Variants in DHRS9 observed in about 807,000 individuals in gnomAD.
The protein encoded by DHRS9 is dehydrogenase/reductase SDR family member 9.
Under a neutral mutation model 26.6 loss-of-function variants are expected in DHRS9, and 18 were observed. That is an observed-to-expected ratio of 0.68 (90% confidence interval 0.47 to 1.00). The LOEUF (loss-of-function observed/expected upper bound fraction) is 1.00, where lower values mean the gene tolerates loss of function less well. DHRS9 is among the 50% of genes least tolerant of loss of function. DHRS9 has a pLI of 0.00. For synonymous variants in DHRS9, 134 were observed against 141.1 expected (o/e 0.95, Z 0.36); for missense variants, 425 against 378.7 (o/e 1.12, Z -1.01).
chr2:169,072,047 G>GT (rs939936600), intron 1 of DHRS9, among the ~76,000 whole-genome samples: 32 of 142,678 alleles, frequency 2.2e-4, no homozygotes, highest in Middle Eastern at 3.7e-3. Context: ...ACAAAAACCA[G>GT]TTTTTTTTTA....
upstream of DHRS9, among the ~76,000 whole-genome samples, chr2:169,067,975 A>T (rs1683693275): frequency 6.6e-6 from 1 of 152,176 alleles, no homozygotes; most frequent in Admixed American, 6.5e-5. Flanking sequence ...TAAACATTTG[A>T]CTTTTTTTAA....
At chr2:169,088,311 C>T (rs1045054399) in intron 3 of DHRS9, among the ~76,000 whole-genome samples, 2 of 152,176 alleles carry the variant, frequency 1.3e-5, no homozygotes, top group Non-Finnish European at 2.9e-5. Flanking sequence ...ACTGTGCTCT[C>T]CCTCCCACCC....
chr2:169,092,049 A>G, intron 4 of DHRS9, 96 bp downstream of exon 4: 1 of 1,306,874 alleles, frequency 7.7e-7, no homozygotes. Context: ...GGTTCTGAGT[A>G]ATACCCCAAT....
chr2:169,079,483 A>T (rs981748863), intron 1 of DHRS9, among the ~76,000 whole-genome samples: 4 of 151,982 alleles, frequency 2.6e-5, no homozygotes, highest in Non-Finnish European at 5.9e-5. Context: ...CTTGAGGATA[A>T]ATTACTTTTA....
At position 169,095,526 on chromosome 2, in the gene DHRS9, A is replaced by G. The variant is rs1684665449; in HGVS notation, c.737-18A>G. The G allele has an allele frequency of 6.3e-7, 1 of 1,594,128 alleles. No individual in the cohort carries two copies. The highest frequency in any genetic ancestry group is 1.7e-5 in the Admixed American group (1 of 59,942). The stretch of plus-strand genomic sequence containing the variant: ...TCCCCTTCTACCAAAGAGTAAATGT[A>G]CTTTTGTCTCTTTTTAGGTCTAGAC... On this transcript the variant is annotated intron_variant, in intron 4 of 4. Coordinates refer to ENST00000674881, the MANE Select transcript of DHRS9 (RefSeq NM_001376924.1).
intron 2 of DHRS9, among the ~76,000 whole-genome samples, chr2:169,082,476 T>A (rs1000332330): frequency 2.0e-5 from 3 of 152,206 alleles, no homozygotes; most frequent in African/African-American, 4.8e-5. Flanking sequence ...GAATGAAGTG[T>A]GAAACATTCT....
intron 3 of DHRS9, among the ~76,000 whole-genome samples, chr2:169,090,011 A>T (rs769555642): frequency 2.5e-4 from 38 of 152,346 alleles, no homozygotes; most frequent in Non-Finnish European, 4.3e-4. Context: ...ACTCACTTTT[A>T]AAAAAGATTT....
intron 4 of DHRS9, among the ~76,000 whole-genome samples, chr2:169,095,154 G>A (rs1054106758): frequency 2.0e-5 from 3 of 152,036 alleles, no homozygotes; most frequent in East Asian, 1.9e-4. Flanking sequence ...ATGAAGTATC[G>A]TTTCCTCATT....
At position 169,070,019 on chromosome 2, in the gene DHRS9, A is replaced by G. The variant is rs1438460043; in HGVS notation, c.-60+302A>G. The stretch of plus-strand genomic sequence containing the variant: ...TTTATTTTCTCTGTGCCTTCTTGAC[A>G]CTATCTGTGAATCTTATGATTAATT... On this transcript the variant is annotated intron_variant, in intron 1 of 4. Coordinates refer to ENST00000674881, the MANE Select transcript of DHRS9 (RefSeq NM_001376924.1). 1.3e-5 allele frequency: 11 copies of G among 871,094 alleles called. No individual in the cohort carries two copies. In the East Asian group the frequency reaches 4.8e-4, roughly 38 times the overall value. 54.0% of individuals were successfully genotyped at this position (871,094 alleles called of 1,614,324 possible).
Position 169,083,423 on chromosome 2 carries a change from G to T in DHRS9, c.408G>T (p.Val136=). Residue 136 remains valine (V), a synonymous_variant, in exon 3 of 5, where the codon GTG becomes GTT. Coordinates refer to ENST00000674881, the MANE Select transcript of DHRS9 (RefSeq NM_001376924.1). ...TLEDYREPIE[V]NLFGLISVTL... ...AGGACTACAGAGAACCTATTGAAGTGAACCTGTTTGGACTCATCAGTGTGA... is the reference window on the plus strand; with the variant it reads ...AGGACTACAGAGAACCTATTGAAGTTAACCTGTTTGGACTCATCAGTGTGA... 1 of 1,614,120 alleles carries T rather than the reference G, an allele frequency of 6.2e-7. No homozygotes were observed. Among genetic ancestry groups the T allele is most frequent in the South Asian group, 1.1e-5 (1 of 91,080 alleles).
chr2:169,090,214 G>A (rs746049852), intron 3 of DHRS9, among the ~76,000 whole-genome samples: 1 of 152,210 alleles, frequency 6.6e-6, no homozygotes, highest in Admixed American at 6.5e-5. Flanking sequence ...TTGAGAGAGG[G>A]TTGGGGCTCC....
chr2:169,077,954 T>C lies in DHRS9; in HGVS notation c.-59-3569T>C, dbSNP rs923250938. 2.6e-5 allele frequency among the ~76,000 whole-genome samples: 4 copies of C among 152,376 alleles called. No homozygotes were observed. In the East Asian group the frequency reaches 7.7e-4, roughly 29 times the overall value. ...GATGTCAGATGTTGCTTTTGGCCAG[T>C]GGACTTTTATCCCTGCCTCTCAGCA... On this transcript the variant is annotated intron_variant, in intron 1 of 4. Coordinates refer to ENST00000674881, the MANE Select transcript of DHRS9 (RefSeq NM_001376924.1).
At chr2:169,095,042 C>T (rs1684650248) in intron 4 of DHRS9, among the ~76,000 whole-genome samples, 1 of 152,160 alleles carries the variant, frequency 6.6e-6, no homozygotes, top group African/African-American at 2.4e-5. Context: ...CATACATGCA[C>T]AAGCACATGT....
chr2:169,090,477 A>T (rs1684488328), intron 3 of DHRS9, among the ~76,000 whole-genome samples: 1 of 152,240 alleles, frequency 6.6e-6, no homozygotes, highest in Admixed American at 6.5e-5. Flanking sequence ...CATATACCTT[A>T]CAGAATATTT....
At chr2:169,082,949 A>T (rs1684237379) in intron 2 of DHRS9, among the ~76,000 whole-genome samples, 2 of 152,080 alleles carry the variant, frequency 1.3e-5, no homozygotes, top group Admixed American at 6.5e-5. Context: ...TGTTAATGGG[A>T]GCAGCACACC....
intron 1 of DHRS9, among the ~76,000 whole-genome samples, chr2:169,074,738 G>A (rs7595068): frequency 0.051 from 3,665 of 71,264 alleles, 154 homozygotes; most frequent in African/African-American, 0.24. Flanking sequence ...TGATTTAGTC[G>A]AGTGATCTAG....
intron 1 of DHRS9, among the ~76,000 whole-genome samples, chr2:169,078,628 T>C (rs534191425): frequency 1.3e-5 from 2 of 152,268 alleles, no homozygotes; most frequent in Non-Finnish European, 2.9e-5. Flanking sequence ...TCTTGCTACA[T>C]GGACATTGAT....
intron 3 of DHRS9, among the ~76,000 whole-genome samples, chr2:169,085,976 T>C (rs1405654025): frequency 6.6e-6 from 1 of 152,186 alleles, no homozygotes; most frequent in Non-Finnish European, 1.5e-5. Flanking sequence ...GGTAGTCTTC[T>C]TTGGGTTAAA....
chr2:169,074,366 T>C, intron 1 of DHRS9: 1 of 985,434 alleles, frequency 1.0e-6, no homozygotes, highest in Non-Finnish European at 1.2e-6. Flanking sequence ...TCCTAACTAC[T>C]GCTCTACTGC....
Sources: allele counts gnomAD v4.1 joint callset (sites outside exome capture counted in the v4.1 genomes callset), GRCh38; gene constraint gnomAD v4.1.1; transcripts MANE v1.5; gene names NCBI Gene and HGNC (gene_info 2026-07-23, HGNC 2026-07-21).